Variants in TRPM3 observed in about 807,000 individuals in gnomAD.
The protein encoded by TRPM3 is long transient receptor potential channel 3.
In TRPM3, 77 loss-of-function variants were observed where a neutral mutation model predicts 181.2. That is an observed-to-expected ratio of 0.42 (90% CI 0.35 to 0.51). The LOEUF (loss-of-function observed/expected upper bound fraction) is 0.51, where lower values mean the gene tolerates loss of function less well. Ranked by LOEUF, TRPM3 falls within the 20% of genes least tolerant of loss-of-function variation. The pLI, the probability that TRPM3 is intolerant of heterozygous loss-of-function variation, is 0.01. For synonymous variants in TRPM3, 745 were observed against 796.4 expected, an observed-to-expected ratio of 0.94 and a Z score of 1.09; for missense variants, 1,759 against 2,196.7, an observed-to-expected ratio of 0.80 and a Z score of 3.98.
At chr9:71,179,971 T>C (rs752999146) in intron 1 of TRPM3, among the ~76,000 whole-genome samples, 67 of 151,592 alleles carry the variant, frequency 4.4e-4, no homozygotes, top group Middle Eastern at 3.4e-3. Flanking sequence ...GAAACTACCA[T>C]GTTGGAAACC....
In TRPM3 at chr9:70,536,406, A is replaced by G; in HGVS notation, c.4707T>C (p.Asn1569=). Residue 1569 remains asparagine (N), a synonymous_variant, in exon 26 of 26, where the codon AAT becomes AAC. Transcript: ENST00000677713. ...CTCTGTCCGCAATTGCTTGAGGGGC[A>G]TTGACACACCTTGTGTCAATACAGT... The part of the protein sequence containing the change: ...ITDCIDTRCV[N]APQAIADRAA... The G allele has an allele frequency of 6.2e-7, 1 of 1,614,130 alleles. No homozygotes were observed. The highest frequency in any genetic ancestry group is 8.5e-7 in the Non-Finnish European group (1 of 1,180,032).
chr9:70,749,094 G>A (rs554086851), intron 8 of TRPM3, among the ~76,000 whole-genome samples: 1 of 151,828 alleles, frequency 6.6e-6, no homozygotes, highest in Non-Finnish European at 1.5e-5. Flanking sequence ...TCAAACTCCT[G>A]GGCTCAAGTG....
intron 1 of TRPM3, among the ~76,000 whole-genome samples, chr9:70,979,057 C>A (rs1259685400): frequency 6.6e-6 from 1 of 152,178 alleles, no homozygotes; most frequent in Non-Finnish European, 1.5e-5. Context: ...AACTAATTTT[C>A]AACAACTACA....
chr9:70,564,648 T>G (rs1046391370), intron 22 of TRPM3, among the ~76,000 whole-genome samples: 1 of 152,214 alleles, frequency 6.6e-6, no homozygotes, highest in South Asian at 2.1e-4. Context: ...CAGGGCTCTC[T>G]GTGCCTGGAA....
chr9:71,222,986 T>C (rs1251831815), intron 1 of TRPM3, among the ~76,000 whole-genome samples: 2 of 152,144 alleles, frequency 1.3e-5, no homozygotes, highest in Non-Finnish European at 2.9e-5. Flanking sequence ...AGGCTGCAAC[T>C]TCTTGGCAAG....
At chr9:70,797,584 C>CCATG (rs2087505219) in intron 6 of TRPM3, among the ~76,000 whole-genome samples, 1 of 152,220 alleles carries the variant, frequency 6.6e-6, no homozygotes, top group Non-Finnish European at 1.5e-5. Context: ...TCACCATCTT[C>CCATG]CATGCAGGAT....
intron 1 of TRPM3, among the ~76,000 whole-genome samples, chr9:71,395,797 C>T (rs1047387498): frequency 1.3e-5 from 2 of 152,092 alleles, no homozygotes; most frequent in Non-Finnish European, 2.9e-5. Flanking sequence ...CCTTTTAATA[C>T]CCTTTAATCA....
rs558047526 is a variant in TRPM3, at chr9:70,697,478, G to A, written c.1273-15900C>T. On this transcript the variant is annotated intron_variant, in intron 8 of 25. Coordinates refer to ENST00000677713, the MANE Select transcript of TRPM3 (RefSeq NM_001366145.2). ...ACATACATTCTATCACTGAATAGTT[G>A]AGTTTATTCTCATTATTATTATGCC... Among the ~76,000 whole-genome samples the A allele has an allele frequency of 9.2e-5, 14 of 152,270 alleles. No homozygotes were observed. In the South Asian group the frequency reaches 2.7e-3, roughly 29 times the overall value.
In TRPM3 at chr9:70,656,917, TA is replaced by T. The variant is rs1053669036; in HGVS notation, c.1346-16258del. ...AATAAGAGAGATGTAAAGAAAGTTA[TA>T]AAAAAAAGTGTTTTTTTTTTGGTAA... On this transcript the variant is annotated intron_variant, in intron 9 of 25. Coordinates refer to ENST00000677713, the MANE Select transcript of TRPM3 (RefSeq NM_001366145.2). Among the ~76,000 whole-genome samples the T allele has an allele frequency of 5.5e-5, 7 of 126,826 alleles. No homozygotes were observed. In the South Asian group the frequency reaches 1.0e-3, roughly 18 times the overall value. The allele number at this position is 126,826 out of a possible 152,430, so 83.2% of individuals were successfully genotyped here. A position where few individuals can be genotyped will look rare whatever the true frequency, so the allele number is the denominator to read the frequency against.
rs1397840235 is a variant in TRPM3 at position 71,131,305 on chromosome 9, A to T, written c.184-266794T>A. On this transcript the variant is annotated intron_variant, in intron 1 of 24. Coordinates refer to the TRPM3 transcript ENST00000357533. ...CAGATTATATGTGATCTCCCTAGAG[A>T]GTCCTTCCTTGATCTCTTGAGCCCT... 3.9e-5 allele frequency among the ~76,000 whole-genome samples: 6 copies of T among 152,310 alleles called. No homozygotes were observed. The East Asian group carries it at 1.2e-3, about 29-fold the overall frequency.
chr9:70,973,224 T>C (rs2097263974), intron 1 of TRPM3, among the ~76,000 whole-genome samples: 1 of 152,180 alleles, frequency 6.6e-6, no homozygotes, highest in African/African-American at 2.4e-5. Context: ...TTAATATTAG[T>C]AGGGGACTCT....
chr9:70,606,341 T>C (rs951229856), intron 19 of TRPM3, among the ~76,000 whole-genome samples: 2 of 152,156 alleles, frequency 1.3e-5, no homozygotes, highest in African/African-American at 4.8e-5. Flanking sequence ...ACACCTCTCT[T>C]CTTTTTTTTT....
intron 8 of TRPM3, among the ~76,000 whole-genome samples, chr9:70,691,426 A>G (rs1452179763): frequency 6.6e-6 from 1 of 152,214 alleles, no homozygotes; most frequent in Non-Finnish European, 1.5e-5. Flanking sequence ...TAGAAAACAT[A>G]GTCTGATTTA....
At chr9:71,230,267 C>T (rs1004652090) in intron 1 of TRPM3, among the ~76,000 whole-genome samples, 8 of 151,902 alleles carry the variant, frequency 5.3e-5, no homozygotes, top group African/African-American at 1.9e-4. Context: ...AAAATTAAAA[C>T]AATTGAACTT....
chr9:71,074,523 T>C (rs966373898), intron 1 of TRPM3, among the ~76,000 whole-genome samples: 1 of 152,128 alleles, frequency 6.6e-6, no homozygotes, highest in African/African-American at 2.4e-5. Flanking sequence ...AGCGAGGTAT[T>C]AGGCTGGTAC....
At chr9:71,195,226 A>C (rs1421421280) in intron 1 of TRPM3, among the ~76,000 whole-genome samples, 1 of 152,134 alleles carries the variant, frequency 6.6e-6, no homozygotes, top group East Asian at 1.9e-4. Flanking sequence ...CAGACAACCT[A>C]CAGAATGGGA....
chr9:70,696,754 A>G (rs558717416), intron 8 of TRPM3, among the ~76,000 whole-genome samples: 3 of 152,292 alleles, frequency 2.0e-5, no homozygotes, highest in African/African-American at 7.2e-5. Flanking sequence ...ATATTTTAAC[A>G]TGATGATTAT....
chr9:70,567,490 C>A (rs2050924071), intron 22 of TRPM3, among the ~76,000 whole-genome samples: 1 of 152,248 alleles, frequency 6.6e-6, no homozygotes. Flanking sequence ...AGAGTACAAA[C>A]TGGTGACATG....
intron 1 of TRPM3, among the ~76,000 whole-genome samples, chr9:70,995,803 C>T (rs1223738476): frequency 6.6e-6 from 1 of 152,130 alleles, no homozygotes; most frequent in Non-Finnish European, 1.5e-5. Context: ...CTGTCTGACC[C>T]ATACATACAG....
Sources: allele counts gnomAD v4.1 joint callset (sites outside exome capture counted in the v4.1 genomes callset), GRCh38; gene constraint gnomAD v4.1.1; transcripts MANE v1.5; gene names NCBI Gene and HGNC (gene_info 2026-07-23, HGNC 2026-07-21).